Variants in PPP1R9A observed in about 807,000 individuals in gnomAD.
PPP1R9A encodes protein phosphatase 1 regulatory subunit 9A, also known as neurabin-1.
Under a neutral mutation model 141.9 loss-of-function variants are expected in PPP1R9A, and 59 were observed. The ratio of observed to expected loss-of-function variants is 0.42; its 90% CI spans 0.34 to 0.52. PPP1R9A has a LOEUF of 0.52. PPP1R9A is among the 20% of genes least tolerant of loss of function. PPP1R9A has a pLI of 0.10. For missense variants in PPP1R9A, 1,444 were observed against 1,611.9 expected (o/e 0.90, Z 1.78); for synonymous variants, 500 against 569.7 (o/e 0.88, Z 1.74).
At chr7:95,026,069 T>C (rs1806790842) in intron 2 of PPP1R9A, among the ~76,000 whole-genome samples, 1 of 152,226 alleles carries the variant, frequency 6.6e-6, no homozygotes, top group East Asian at 1.9e-4. Context: ...TTCTGAAGCC[T>C]ATTTCTGTCA....
chr7:94,934,267 T>C (rs756013133), intron 2 of PPP1R9A, among the ~76,000 whole-genome samples: 1 of 152,184 alleles, frequency 6.6e-6, no homozygotes, highest in Non-Finnish European at 1.5e-5. Flanking sequence ...CTTCCCTGTA[T>C]CAGACTCACA....
intron 18 of PPP1R9A, among the ~76,000 whole-genome samples, chr7:95,286,752 G>A (rs1000736441): frequency 9.9e-5 from 15 of 152,050 alleles, no homozygotes; most frequent in African/African-American, 3.6e-4. Context: ...AGGGAAAATA[G>A]CATGAGAACC....
At position 95,275,974 on chromosome 7, in the gene PPP1R9A, C is replaced by T. The variant is rs17166747; in HGVS notation, c.3296+1806C>T. 7.4e-3 allele frequency among the ~76,000 whole-genome samples: 1,128 copies of T among 152,134 alleles called. 13 individuals carry two copies. The highest frequency in any genetic ancestry group is 0.026 in the African/African-American group (1,071 of 41,506). On this transcript the variant is annotated intron_variant, in intron 16 of 19. Transcript: ENST00000433360. ...GGTAAATCTGAGGCTATATGCATCT[C>T]GAAAGTAGTTTAACTTTGTGTGGTT...
intron 8 of PPP1R9A, among the ~76,000 whole-genome samples, chr7:95,231,206 A>G (rs1281071583): frequency 6.6e-6 from 1 of 152,184 alleles, no homozygotes; most frequent in Non-Finnish European, 1.5e-5. Flanking sequence ...AAATATTACA[A>G]TTCTAACTAT....
At chr7:95,160,344 C>T (rs1830288231) in intron 4 of PPP1R9A, among the ~76,000 whole-genome samples, 1 of 152,022 alleles carries the variant, frequency 6.6e-6, no homozygotes, top group Non-Finnish European at 1.5e-5. Context: ...AAGCATATTT[C>T]ATCTGGATCT....
chr7:94,965,157 T>A (rs1372612255), intron 2 of PPP1R9A, among the ~76,000 whole-genome samples: 2 of 152,136 alleles, frequency 1.3e-5, no homozygotes, highest in East Asian at 1.9e-4. Context: ...CACTTCTTGG[T>A]GGGGTTGTTT....
At chr7:95,008,312 G>A (rs1803909585) in intron 2 of PPP1R9A, among the ~76,000 whole-genome samples, 1 of 152,176 alleles carries the variant, frequency 6.6e-6, no homozygotes, top group South Asian at 2.1e-4. Flanking sequence ...ACACCTACTT[G>A]AAATCTCCCT....
intron 2 of PPP1R9A, among the ~76,000 whole-genome samples, chr7:94,960,087 T>C (rs959289683): frequency 6.6e-6 from 1 of 151,700 alleles, no homozygotes; most frequent in Admixed American, 6.6e-5. Context: ...ATTTTCTATT[T>C]CTTTGGCTGT....
At chr7:94,997,023 C>CA (rs1490557601) in intron 2 of PPP1R9A, among the ~76,000 whole-genome samples, 3 of 152,078 alleles carry the variant, frequency 2.0e-5, no homozygotes, top group Non-Finnish European at 4.4e-5. Context: ...AGGCTGGTCT[C>CA]AAACTCCTGA....
intron 2 of PPP1R9A, among the ~76,000 whole-genome samples, chr7:95,023,087 G>A (rs1389597008): frequency 3.3e-5 from 5 of 152,082 alleles, no homozygotes; most frequent in African/African-American, 4.8e-5. Context: ...GGTAGAATTC[G>A]GCTGTGATTC....
intron 4 of PPP1R9A, among the ~76,000 whole-genome samples, chr7:95,122,581 G>T (rs934006826): frequency 6.6e-6 from 1 of 152,170 alleles, no homozygotes; most frequent in African/African-American, 2.4e-5. Flanking sequence ...TAACATCTTA[G>T]TTGGTAGCCT....
chr7:94,941,669 G>T (rs1488506070), intron 2 of PPP1R9A, among the ~76,000 whole-genome samples: 2 of 151,890 alleles, frequency 1.3e-5, no homozygotes, highest in Non-Finnish European at 2.9e-5. Flanking sequence ...CTCATATTTG[G>T]GGTCTGATAA....
At chr7:95,097,826 C>T (rs1818244708) in intron 2 of PPP1R9A, among the ~76,000 whole-genome samples, 1 of 152,146 alleles carries the variant, frequency 6.6e-6, no homozygotes, top group Non-Finnish European at 1.5e-5. Flanking sequence ...GTGTATCAGT[C>T]AGGGTCAACC....
intron 2 of PPP1R9A, among the ~76,000 whole-genome samples, chr7:95,031,424 A>G (rs1410230829): frequency 6.6e-6 from 1 of 152,190 alleles, no homozygotes; most frequent in Non-Finnish European, 1.5e-5. Flanking sequence ...TGGGCATAAT[A>G]TTGGATCTTT....
chr7:95,199,270 T>G (rs1035466088), intron 6 of PPP1R9A, among the ~76,000 whole-genome samples: 1 of 152,222 alleles, frequency 6.6e-6, no homozygotes, highest in African/African-American at 2.4e-5. Context: ...GTGTTTCATA[T>G]TGGTGTGTCA....
chr7:94,971,820 T>G (rs537674767), intron 2 of PPP1R9A, among the ~76,000 whole-genome samples: 2 of 152,360 alleles, frequency 1.3e-5, no homozygotes, highest in Admixed American at 1.3e-4. Flanking sequence ...TACATTGAAC[T>G]TTGTTAATCT....
At chr7:95,281,393 G>A (rs1484451832) in intron 16 of PPP1R9A, among the ~76,000 whole-genome samples, 1 of 152,122 alleles carries the variant, frequency 6.6e-6, no homozygotes, top group Non-Finnish European at 1.5e-5. Context: ...TACTTGGTGT[G>A]CAAAGCTAGG....
chr7:95,207,177 G>C (rs1045380777), intron 7 of PPP1R9A, among the ~76,000 whole-genome samples: 1 of 151,570 alleles, frequency 6.6e-6, no homozygotes, highest in African/African-American at 2.4e-5. Flanking sequence ...GGAAAATAAA[G>C]CACCATGAGT....
intron 7 of PPP1R9A, among the ~76,000 whole-genome samples, chr7:95,219,116 CTTTCCATG>C (rs1793999602): frequency 6.6e-6 from 1 of 152,114 alleles, no homozygotes; most frequent in South Asian, 2.1e-4. Context: ...CTGGTTGTTC[CTTTCCATG>C]TTTAATGCTT....
Sources: gnomAD v4.1 joint callset for allele counts (sites outside exome capture counted in the v4.1 genomes callset) on GRCh38, gnomAD v4.1.1 for gene constraint, MANE v1.5 for transcripts, NCBI Gene and HGNC (gene_info 2026-07-23, HGNC 2026-07-21) for gene names.